The following GCNT1 variants were observed in gnomAD, a reference collection of about 807,000 sequenced individuals.
GCNT1 encodes glucosaminyl (N-acetyl) transferase 1.
In GCNT1, 16 loss-of-function variants were observed where a neutral mutation model predicts 26.2. The observed-to-expected ratio is 0.61, with a 90% CI of 0.41 to 0.93. GCNT1 has a LOEUF of 0.93. Ranked by LOEUF, GCNT1 falls within the 40% of genes least tolerant of loss-of-function variation. The probability of loss-of-function intolerance (pLI) is 0.00; values close to 1 mark genes in which losing one functional copy is unlikely to be tolerated. For synonymous variants in GCNT1, 183 were observed against 190.8 expected (o/e 0.96, Z 0.34); for missense variants, 477 against 526.7 (o/e 0.91, Z 0.92).
the GCNT1 span, among the ~76,000 whole-genome samples, chr9:76,402,486 C>CA: frequency 5.3e-5 from 8 of 151,352 alleles, no homozygotes; most frequent in East Asian, 3.9e-4. Context: ...TATTTTGCAC[C>CA]AAAAAAAAGC....
the GCNT1 span, among the ~76,000 whole-genome samples, chr9:76,404,111 A>G: frequency 6.6e-6 from 1 of 152,188 alleles, no homozygotes; most frequent in Non-Finnish European, 1.5e-5. Context: ...CGTCTGTCTT[A>G]TGTTCTCTCA....
upstream of GCNT1, among the ~76,000 whole-genome samples, chr9:76,455,546 A>G (rs58408682): frequency 0.065 from 9,845 of 152,216 alleles, 383 homozygotes; most frequent in Middle Eastern, 0.11. Context: ...GTCTCCAGTA[A>G]CACAAAGTAT....
At chr9:76,404,552 C>T in the GCNT1 span, among the ~76,000 whole-genome samples, 2 of 152,118 alleles carry the variant, frequency 1.3e-5, no homozygotes, top group Non-Finnish European at 2.9e-5. Flanking sequence ...TGAAATTTGA[C>T]CAATAAAATC....
At chr9:76,496,759 A>C (rs619429) in intron 2 of GCNT1, among the ~76,000 whole-genome samples, 91,642 of 152,084 alleles carry the variant, frequency 0.6, 28,219 homozygotes, top group African/African-American at 0.72. Flanking sequence ...TTAAAAGTCA[A>C]GTACCAAGAA....
Position 76,503,755 on chromosome 9 carries a change from T to A in GCNT1, c.*87T>A. On this transcript the variant is annotated 3_prime_UTR_variant, in exon 4 of 4. Coordinates refer to ENST00000376730, the MANE Select transcript of GCNT1 (RefSeq NM_001490.5). Reference sequence around the variant, plus strand: ...CCCTTCCTTGTCAGCATCGGGAAGATGGTATGAAGTCCTCTTTGGGGCAGG... The same window carrying A: ...CCCTTCCTTGTCAGCATCGGGAAGAAGGTATGAAGTCCTCTTTGGGGCAGG... The A allele has an allele frequency of 9.4e-7, 1 of 1,061,790 alleles. No individual in the cohort carries two copies. Among genetic ancestry groups the A allele is most frequent in the Non-Finnish European group, 1.4e-6 (1 of 695,294 alleles). The allele number at this position is 1,061,790 out of a possible 1,614,324, so 65.8% of individuals were successfully genotyped here.
upstream of GCNT1, among the ~76,000 whole-genome samples, chr9:76,438,074 G>C (rs1333505863): frequency 6.6e-6 from 1 of 152,132 alleles, no homozygotes; most frequent in Non-Finnish European, 1.5e-5. Context: ...TCTGAGACAG[G>C]TCTCAAGCAA....
chr9:76,502,541 A>G lies in GCNT1; in HGVS notation c.160A>G (p.Ser54Gly). Residue 54 changes from serine (S) to glycine (G), a missense_variant, in exon 4 of 4, where the codon AGT (serine) becomes GGT (glycine). Ser to Gly is a moderately conservative substitution (Grantham distance 56, BLOSUM62 0). Coordinates refer to ENST00000376730, the MANE Select transcript of GCNT1 (RefSeq NM_001490.5). Reference sequence around the variant, plus strand: ...CTTGGAGCTTGCTGGGGAGAATCCTAGTAGTGATATTAATTGCACCAAAGT... The same window carrying G: ...CTTGGAGCTTGCTGGGGAGAATCCTGGTAGTGATATTAATTGCACCAAAGT... ...RHLELAGENP[S>G]SDINCTKVLQ... is the part of the protein sequence containing the mutation. The G allele has an allele frequency of 3.1e-6, 5 of 1,614,056 alleles. No homozygotes were observed. The highest frequency in any genetic ancestry group is 4.2e-6 in the Non-Finnish European group (5 of 1,179,918).
At chr9:76,465,078 G>A (rs2131598076) in intron 2 of GCNT1, among the ~76,000 whole-genome samples, 1 of 152,152 alleles carries the variant, frequency 6.6e-6, no homozygotes, top group East Asian at 1.9e-4. Flanking sequence ...AAACTCCTGG[G>A]CTCAAGTGAT....
intron 2 of GCNT1, among the ~76,000 whole-genome samples, chr9:76,478,062 C>G (rs1824297509): frequency 6.6e-6 from 1 of 152,156 alleles, no homozygotes. Flanking sequence ...AATCAGCACT[C>G]TGTAAAATGG....
chr9:76,463,526 A>G (rs982797765), intron 2 of GCNT1, among the ~76,000 whole-genome samples: 2 of 152,214 alleles, frequency 1.3e-5, no homozygotes, highest in Non-Finnish European at 2.9e-5. Context: ...TTGGTCATCA[A>G]TGCAATAATG....
upstream of GCNT1, among the ~76,000 whole-genome samples, chr9:76,418,344 G>C (rs1015119837): frequency 3.9e-5 from 6 of 152,156 alleles, no homozygotes; most frequent in Admixed American, 6.5e-5. Flanking sequence ...TAGACTTAAA[G>C]TCTGTGTTGA....
chr9:76,397,342 G>GT, the GCNT1 span, among the ~76,000 whole-genome samples: 1 of 151,514 alleles, frequency 6.6e-6, no homozygotes, highest in Non-Finnish European at 1.5e-5. Context: ...CTTGTAGAAT[G>GT]TTTAAGATGG....
chr9:76,428,292 T>TAAAAAAAAAAAAAAAAGAAAA (rs1279001629), intron 1 of GCNT1, among the ~76,000 whole-genome samples: 1 of 85,894 alleles, frequency 1.2e-5, no homozygotes, highest in South Asian at 3.9e-4. Context: ...AAAAAAAACT[T>TAAAAAAAAAAAAAAAAGAAAA]AAAAAAAAAA....
chr9:76,435,109 C>G (rs1230692576), intron 1 of GCNT1, among the ~76,000 whole-genome samples: 1 of 152,178 alleles, frequency 6.6e-6, no homozygotes, highest in Non-Finnish European at 1.5e-5. Context: ...CCTGTTTCCT[C>G]AGAACCATGT....
intron 2 of GCNT1, among the ~76,000 whole-genome samples, chr9:76,492,779 C>G (rs1156314560): frequency 6.6e-6 from 1 of 151,388 alleles, no homozygotes; most frequent in African/African-American, 2.4e-5. Context: ...GCTCCATTTT[C>G]TGTCCTCTCT....
intron 1 of GCNT1, among the ~76,000 whole-genome samples, chr9:76,430,265 CTTT>C (rs896169055): frequency 6.6e-6 from 1 of 152,036 alleles, no homozygotes; most frequent in Non-Finnish European, 1.5e-5. Flanking sequence ...TATTACATGA[CTTT>C]TAAATTTTTT....
chr9:76,502,324 G>A lies in GCNT1; in HGVS notation c.-58G>A. The A allele has an allele frequency of 8.3e-7, 1 of 1,200,482 alleles. No individual in the cohort carries two copies. The highest frequency in any genetic ancestry group is 1.2e-6 in the Non-Finnish European group (1 of 839,410). 74.4% of individuals were successfully genotyped at this position (1,200,482 alleles called of 1,614,324 possible). On this transcript the variant is annotated 5_prime_UTR_variant, in exon 4 of 4. Transcript: ENST00000376730. ...AGGCCACGACGGAGGGAAAATCATT[G>A]GTGCTTGGAGCATAGAAGACTGCCC...
intron 2 of GCNT1, among the ~76,000 whole-genome samples, chr9:76,478,586 C>T (rs958897054): frequency 1.1e-4 from 17 of 152,334 alleles, no homozygotes; most frequent in South Asian, 6.2e-4. Flanking sequence ...AATAGCATAT[C>T]TGTTTTATTG....
intron 1 of GCNT1, among the ~76,000 whole-genome samples, chr9:76,433,574 T>A (rs1373353981): frequency 6.6e-6 from 1 of 152,120 alleles, no homozygotes; most frequent in Non-Finnish European, 1.5e-5. Flanking sequence ...CTGGACTCAC[T>A]TGCCCACACA....
Sources: allele counts gnomAD v4.1 joint callset (sites outside exome capture counted in the v4.1 genomes callset), GRCh38; gene constraint gnomAD v4.1.1; transcripts MANE v1.5; gene names NCBI Gene and HGNC (gene_info 2026-07-23, HGNC 2026-07-21).